The following SDK1 variants were observed in gnomAD, a reference collection of about 807,000 sequenced individuals.
SDK1 encodes sidekick cell adhesion molecule 1, also known as protein sidekick-1.
A neutral mutation model predicts 245.5 loss-of-function variants in SDK1; 157 were observed. The observed-to-expected ratio is 0.64, with a 90% CI of 0.56 to 0.73. The LOEUF is 0.73. Among genes scored for constraint, SDK1 ranks in the 30% least tolerant of loss-of-function variants. The pLI is 0.00. For missense variants in SDK1, 3,583 were observed against 3,002.3 expected, an observed-to-expected ratio of 1.19 and a Z score of -4.52; for synonymous variants, 1,647 against 1,278.5, an observed-to-expected ratio of 1.29 and a Z score of -6.15.
chr7:3,499,178 GC>G (rs1782116690), intron 1 of SDK1, among the ~76,000 whole-genome samples: 1 of 152,076 alleles, frequency 6.6e-6, no homozygotes, highest in Non-Finnish European at 1.5e-5. Context: ...GAAATTTTAC[GC>G]ATTTCAGCAA....
intron 1 of SDK1, among the ~76,000 whole-genome samples, chr7:3,517,219 C>G (rs1583986063): frequency 6.6e-6 from 1 of 152,180 alleles, no homozygotes; most frequent in East Asian, 1.9e-4. Context: ...TATAAGAGTG[C>G]CCAGTAATTC....
intron 4 of SDK1, among the ~76,000 whole-genome samples, chr7:3,816,920 T>G (rs188567229): frequency 6.6e-6 from 1 of 152,310 alleles, no homozygotes; most frequent in Admixed American, 6.5e-5. Context: ...GACCTTCTGT[T>G]AATGTACTTG....
At chr7:3,624,126 T>C (rs899977130) in intron 2 of SDK1, among the ~76,000 whole-genome samples, 2 of 152,314 alleles carry the variant, frequency 1.3e-5, no homozygotes, top group Non-Finnish European at 2.9e-5. Context: ...GCTATAAAAA[T>C]TACAGTTCCT....
Position 4,145,857 on chromosome 7 carries a change from A to T in SDK1, c.4364A>T (p.Lys1455Met). The change falls in exon 29 of 45, where the codon AAG becomes ATG. Residue 1455 changes from lysine to methionine, a missense_variant. Physicochemically the swap from Lys to Met is moderately conservative, Grantham distance 95 (BLOSUM62 -1). Coordinates refer to ENST00000404826, the MANE Select transcript of SDK1 (RefSeq NM_152744.4). ...GCATACATCTTCAGGCTGTCCGCCA[A>T]GACGAGGCAGGGCTGGGGGGAGCCA... The part of the protein sequence containing the change: ...ESAYIFRLSA[K>M]TRQGWGEPLE... 1 of 1,613,632 alleles carries T rather than the reference A, an allele frequency of 6.2e-7. No individual in the cohort carries two copies. Among genetic ancestry groups the T allele is most frequent in the Non-Finnish European group, 8.5e-7 (1 of 1,179,886 alleles).
chr7:3,544,140 T>C (rs998492176), intron 1 of SDK1, among the ~76,000 whole-genome samples: 3 of 152,226 alleles, frequency 2.0e-5, no homozygotes, highest in Admixed American at 1.3e-4. Context: ...ATCAATTTCA[T>C]TTTTAAATGC....
At chr7:3,911,868 G>C (rs1023300084) in intron 5 of SDK1, among the ~76,000 whole-genome samples, 3 of 152,150 alleles carry the variant, frequency 2.0e-5, no homozygotes, top group African/African-American at 7.2e-5. Context: ...CTAGTGCAGG[G>C]TGCAAATATG....
chr7:3,530,918 A>C (rs1014475064), intron 1 of SDK1, among the ~76,000 whole-genome samples: 2 of 152,222 alleles, frequency 1.3e-5, no homozygotes, highest in Non-Finnish European at 2.9e-5. Flanking sequence ...AATATCATTA[A>C]AATTTGATTT....
At chr7:3,753,144 A>G (rs1034584396) in intron 4 of SDK1, among the ~76,000 whole-genome samples, 2 of 152,196 alleles carry the variant, frequency 1.3e-5, no homozygotes, top group African/African-American at 4.8e-5. Flanking sequence ...CAATATTTTC[A>G]GGAATGGTCA....
rs79976969 is a variant in SDK1 at position 3,906,437 on chromosome 7, A to G, written c.848-44486A>G. On this transcript the variant is annotated intron_variant, in intron 5 of 44. Coordinates refer to ENST00000404826, the MANE Select transcript of SDK1 (RefSeq NM_152744.4). ...GAGACAGAGAGCGCGCGAGTGCAGGAGCTCATCTTCATTAATTGTTACATT... is the reference window on the plus strand; with the variant it reads ...GAGACAGAGAGCGCGCGAGTGCAGGGGCTCATCTTCATTAATTGTTACATT... Among the ~76,000 whole-genome samples, 125 of 151,856 alleles carry G rather than the reference A, an allele frequency of 8.2e-4. 2 individuals are homozygous for G. The East Asian group carries it at 0.021, about 25-fold the overall frequency.
At chr7:3,851,003 A>G (rs1211018254) in intron 5 of SDK1, among the ~76,000 whole-genome samples, 1 of 152,000 alleles carries the variant, frequency 6.6e-6, no homozygotes, top group Non-Finnish European at 1.5e-5. Flanking sequence ...AACTTAAAGT[A>G]TAACAAAAAA....
chr7:4,178,794 C>G (rs972589086), intron 35 of SDK1, among the ~76,000 whole-genome samples: 15 of 152,244 alleles, frequency 9.9e-5, no homozygotes, highest in African/African-American at 3.6e-4. Context: ...AGTGAATGGT[C>G]AAGTCTTGCT....
At chr7:4,241,675 C>G (rs1350678744) in intron 42 of SDK1, 118 bp from the exon 43 acceptor site, 36 of 1,281,068 alleles carry the variant, frequency 2.8e-5, no homozygotes, top group Middle Eastern at 2.0e-4. Context: ...GTATCCTCAG[C>G]TCTGGGCTCT....
chr7:3,589,564 A>G (rs1780795754), intron 1 of SDK1, among the ~76,000 whole-genome samples: 1 of 152,172 alleles, frequency 6.6e-6, no homozygotes, highest in Non-Finnish European at 1.5e-5. Flanking sequence ...AGTTTAATGG[A>G]CTCATAGTTC....
chr7:3,501,192 T>C (rs576279465), intron 1 of SDK1, among the ~76,000 whole-genome samples: 1 of 152,296 alleles, frequency 6.6e-6, no homozygotes, highest in South Asian at 2.1e-4. Context: ...TGAGCTCTTT[T>C]CTTGGGGTAA....
chr7:3,667,320 A>G (rs1367915822), intron 4 of SDK1, among the ~76,000 whole-genome samples: 2 of 152,202 alleles, frequency 1.3e-5, no homozygotes, highest in Non-Finnish European at 2.9e-5. Flanking sequence ...TGGTAACACC[A>G]TTTATTTTTT....
At chr7:4,262,482 A>G (rs949703514) in intron 44 of SDK1, among the ~76,000 whole-genome samples, 3 of 151,738 alleles carry the variant, frequency 2.0e-5, no homozygotes, top group Non-Finnish European at 2.9e-5. Flanking sequence ...AAAAGCCTCA[A>G]AGGGACTGAT....
intron 5 of SDK1, among the ~76,000 whole-genome samples, chr7:3,897,421 A>G (rs1026845361): frequency 6.6e-6 from 1 of 150,750 alleles, no homozygotes; most frequent in African/African-American, 2.4e-5. Flanking sequence ...GAATTCTACT[A>G]CTCTAGAGGC....
chr7:4,042,986 G>A (rs1297179552), intron 17 of SDK1, among the ~76,000 whole-genome samples: 2 of 152,214 alleles, frequency 1.3e-5, no homozygotes, highest in Non-Finnish European at 2.9e-5. Context: ...TTAAACCTAG[G>A]GTATTGAGAG....
rs764324643 is a variant in SDK1, at chr7:4,110,780, C to T, written c.3434+8C>T. ...ACCCTACACTCACTACAGGTGAGAA[C>T]AGCAGTGATAAGCTGTTACAGGAGG... On this transcript the variant is annotated splice_region_variant and intron_variant, in intron 23 of 44. Transcript: ENST00000404826. 19 of 1,582,446 alleles carry T rather than the reference C, an allele frequency of 1.2e-5. No individual in the cohort carries two copies. Among genetic ancestry groups the T allele is most frequent in the South Asian group, 8.8e-5 (8 of 90,436 alleles).
Sources: allele counts gnomAD v4.1 joint callset (sites outside exome capture counted in the v4.1 genomes callset), GRCh38; gene constraint gnomAD v4.1.1; transcripts MANE v1.5; gene names NCBI Gene and HGNC (gene_info 2026-07-23, HGNC 2026-07-21).